Variants in RABGAP1L observed in about 807,000 individuals in gnomAD.
The protein encoded by RABGAP1L is rab GTPase-activating protein 1-like.
A neutral mutation model predicts 137.7 loss-of-function variants in RABGAP1L; 63 were observed. That is an observed-to-expected ratio of 0.46 (90% CI 0.37 to 0.56). RABGAP1L has a LOEUF of 0.56. Ranked by LOEUF, RABGAP1L falls within the 20% of genes least tolerant of loss-of-function variation. RABGAP1L has a pLI of 0.00. For missense variants in RABGAP1L, 1,095 were observed against 1,244.0 expected (o/e 0.88, Z 1.80); for synonymous variants, 431 against 433.7 (o/e 0.99, Z 0.08).
At chr1:174,191,165 T>C (rs1667187170) in intron 1 of RABGAP1L, among the ~76,000 whole-genome samples, 1 of 152,190 alleles carries the variant, frequency 6.6e-6, no homozygotes, top group Non-Finnish European at 1.5e-5. Flanking sequence ...GCCTGTACCT[T>C]ATAATAGCTT....
rs1218462185 is a variant in RABGAP1L at position 174,383,669 on chromosome 1, A to G, written c.1560-10326A>G. ...CGGCTCGCGCACGGTGCGCGCACCC[A>G]CTGGCCTGCACCCACTGTCTGGCAC... On this transcript the variant is annotated intron_variant, in intron 12 of 25. Coordinates refer to ENST00000681986, the MANE Select transcript of RABGAP1L (RefSeq NM_001366446.1). Among the ~76,000 whole-genome samples the G allele has an allele frequency of 3.9e-5, 6 of 152,216 alleles. No homozygotes were observed. The East Asian group carries it at 1.2e-3, about 30-fold the overall frequency.
At chr1:174,456,379 G>A (rs954322020) in intron 13 of RABGAP1L, among the ~76,000 whole-genome samples, 2 of 151,974 alleles carry the variant, frequency 1.3e-5, no homozygotes, top group African/African-American at 2.4e-5. Context: ...TCAAAATCAC[G>A]TTATATTCAA....
rs755688394 is a variant in RABGAP1L at position 174,176,741 on chromosome 1, A to AAAAAAAAAATAAAAT, written c.-34+17089_-34+17090insAAAATAAAATAAAAA. ...AAAAAAAAAAAAAAAAAAAAAAAAA[A>AAAAAAAAAATAAAAT]AAAAAGGTCAACATTTGTTAATACT... On this transcript the variant is annotated intron_variant, in intron 1 of 25. Coordinates refer to ENST00000681986, the MANE Select transcript of RABGAP1L (RefSeq NM_001366446.1). Among the ~76,000 whole-genome samples, 431 of 111,756 alleles carry AAAAAAAAAATAAAAT rather than the reference A, an allele frequency of 3.9e-3. 5 individuals carry two copies. The highest frequency in any genetic ancestry group is 0.015 in the African/African-American group (417 of 27,986). 73.3% of individuals were successfully genotyped at this position (111,756 alleles called of 152,430 possible). A position where few individuals can be genotyped will look rare whatever the true frequency, so the allele number is the denominator to read the frequency against.
intron 11 of RABGAP1L, among the ~76,000 whole-genome samples, chr1:174,350,376 G>C (rs1203469938): frequency 1.2e-4 from 10 of 85,168 alleles, no homozygotes; most frequent in Admixed American, 6.2e-4. Flanking sequence ...TTCTCAGACG[G>C]GGCGGCCGGG....
At chr1:174,658,755 T>C (rs1676155205) in intron 14 of RABGAP1L, among the ~76,000 whole-genome samples, 1 of 152,288 alleles carries the variant, frequency 6.6e-6, no homozygotes, top group Admixed American at 6.5e-5. Context: ...TTGCTCTGCC[T>C]AATGGTTTCA....
chr1:174,802,164 A>G (rs1360125007), intron 18 of RABGAP1L, among the ~76,000 whole-genome samples: 1 of 152,194 alleles, frequency 6.6e-6, no homozygotes, highest in Non-Finnish European at 1.5e-5. Context: ...TTTGGAGGTC[A>G]TGTATATCTG....
At chr1:174,532,195 T>G (rs1664470273) in intron 13 of RABGAP1L, among the ~76,000 whole-genome samples, 1 of 151,258 alleles carries the variant, frequency 6.6e-6, no homozygotes, top group African/African-American at 2.4e-5. Flanking sequence ...TCACAGGAGT[T>G]TTTTGTTTTT....
chr1:174,637,723 G>C (rs545150690), intron 14 of RABGAP1L, among the ~76,000 whole-genome samples: 68 of 152,212 alleles, frequency 4.5e-4, no homozygotes, highest in African/African-American at 1.5e-3. Flanking sequence ...TGGCTCTCCT[G>C]CTAACAGGAA....
chr1:174,388,148 G>C (rs1686954593), intron 12 of RABGAP1L, among the ~76,000 whole-genome samples: 2 of 152,066 alleles, frequency 1.3e-5, no homozygotes, highest in East Asian at 1.9e-4. Flanking sequence ...TTTGTGCTTT[G>C]GGGAAATATT....
At chr1:174,863,600 G>C (rs550815904) in intron 19 of RABGAP1L, among the ~76,000 whole-genome samples, 4 of 151,502 alleles carry the variant, frequency 2.6e-5, no homozygotes, top group Non-Finnish European at 5.9e-5. Context: ...GTGAACCCGG[G>C]AGGCGGAGCT....
chr1:174,867,902 C>G (rs908090146), intron 19 of RABGAP1L, among the ~76,000 whole-genome samples: 1 of 152,066 alleles, frequency 6.6e-6, no homozygotes, highest in Middle Eastern at 3.4e-3. Flanking sequence ...ATCTCGGCCT[C>G]CCAAAGTGCT....
At chr1:174,847,076 C>T (rs1249615324) in intron 19 of RABGAP1L, among the ~76,000 whole-genome samples, 1 of 135,572 alleles carries the variant, frequency 7.4e-6, no homozygotes, top group Non-Finnish European at 1.6e-5. Context: ...TTTCCATTTG[C>T]TTGGTAGATC....
At chr1:174,176,252 A>G (rs1219676864) in intron 1 of RABGAP1L, among the ~76,000 whole-genome samples, 1 of 152,222 alleles carries the variant, frequency 6.6e-6, no homozygotes, top group African/African-American at 2.4e-5. Context: ...CTTACATCAC[A>G]TTAATGAACT....
At chr1:174,367,555 A>G in intron 11 of RABGAP1L, 4 of 239,816 alleles carry the variant, frequency 1.7e-5, no homozygotes, top group Non-Finnish European at 3.4e-5. Flanking sequence ...ACATAATGTT[A>G]TTTTTTCTGT....
chr1:174,637,420 T>G lies in RABGAP1L; in HGVS notation c.1756T>G (p.Phe586Val). The G allele has an allele frequency of 6.2e-7, 1 of 1,613,546 alleles. No homozygotes were observed. Among genetic ancestry groups the G allele is most frequent in the East Asian group, 2.2e-5 (1 of 44,854 alleles). Reference protein sequence around the residue: ...SVITRDIHRTFPAHDYFKDTG... With the variant: ...SVITRDIHRTVPAHDYFKDTG... ...TATTACTCGAGATATTCATCGTACA[T>G]TTCCCGCACATGATTACTTTAAAGA... The change falls in exon 14 of 26, where the codon TTT becomes GTT. Residue 586 changes from phenylalanine to valine, a missense_variant. Coordinates refer to ENST00000681986, the MANE Select transcript of RABGAP1L (RefSeq NM_001366446.1).
chr1:174,412,155 G>A (rs550932438), intron 13 of RABGAP1L, among the ~76,000 whole-genome samples: 1 of 151,916 alleles, frequency 6.6e-6, no homozygotes, highest in Non-Finnish European at 1.5e-5. Flanking sequence ...CCCAAACTTG[G>A]GCGTGTATAT....
At chr1:174,769,580 G>C (rs1685950347) in intron 18 of RABGAP1L, among the ~76,000 whole-genome samples, 1 of 152,142 alleles carries the variant, frequency 6.6e-6, no homozygotes, top group South Asian at 2.1e-4. Flanking sequence ...TTGGGGAAAG[G>C]CTATTATCAT....
At chr1:174,184,401 T>C (rs969626918) in intron 1 of RABGAP1L, among the ~76,000 whole-genome samples, 1 of 152,172 alleles carries the variant, frequency 6.6e-6, no homozygotes, top group Non-Finnish European at 1.5e-5. Context: ...CTCATTTGGG[T>C]AAATACCAGG....
At chr1:174,885,783 C>G (rs2149101033) in intron 19 of RABGAP1L, among the ~76,000 whole-genome samples, 1 of 151,914 alleles carries the variant, frequency 6.6e-6, no homozygotes, top group South Asian at 2.1e-4. Context: ...TTGGCTAACA[C>G]AGTGAAACCC....
Sources: gnomAD v4.1 joint callset for allele counts (sites outside exome capture counted in the v4.1 genomes callset) on GRCh38, gnomAD v4.1.1 for gene constraint, MANE v1.5 for transcripts, NCBI Gene and HGNC (gene_info 2026-07-23, HGNC 2026-07-21) for gene names.